Variants in OXCT1 observed in about 807,000 individuals in gnomAD.
OXCT1 encodes succinyl-CoA:3-ketoacid coenzyme A transferase 1, mitochondrial.
OXCT1 carries 27 observed loss-of-function variants against 69.6 expected under a neutral mutation model. The ratio of observed to expected loss-of-function variants is 0.39; its 90% CI spans 0.29 to 0.54. The LOEUF is 0.54. Among genes scored for constraint, OXCT1 ranks in the 20% least tolerant of loss-of-function variants. OXCT1 has a pLI of 0.72. For synonymous variants in OXCT1, 202 were observed against 217.8 expected (o/e 0.93, Z 0.64); for missense variants, 437 against 650.2 (o/e 0.67, Z 3.57).
At chr5:41,807,059 T>A (rs543697279) in intron 8 of OXCT1, among the ~76,000 whole-genome samples, 1 of 152,116 alleles carries the variant, frequency 6.6e-6, no homozygotes, top group African/African-American at 2.4e-5. Flanking sequence ...AAACTACAGA[T>A]CATAAATTAG....
At chr5:41,770,260 A>G (rs1449275852) in intron 13 of OXCT1, among the ~76,000 whole-genome samples, 1 of 152,248 alleles carries the variant, frequency 6.6e-6, no homozygotes, top group Non-Finnish European at 1.5e-5. Flanking sequence ...TTACCTACAG[A>G]GAAAATGATA....
chr5:41,853,378 A>T, intron 4 of OXCT1, 41 bp downstream of exon 4: 1 of 1,578,872 alleles, frequency 6.3e-7, no homozygotes. Context: ...AGGAATTTTT[A>T]AAGTAAGTTA....
intron 14 of OXCT1, among the ~76,000 whole-genome samples, chr5:41,759,229 T>C (rs1282150305): frequency 6.6e-6 from 1 of 152,038 alleles, no homozygotes; most frequent in Non-Finnish European, 1.5e-5. Context: ...TCCAGCTCTG[T>C]CACTTTCCTG....
chr5:41,830,784 A>C (rs1188723941), intron 7 of OXCT1, among the ~76,000 whole-genome samples: 1 of 152,134 alleles, frequency 6.6e-6, no homozygotes, highest in Non-Finnish European at 1.5e-5. Context: ...TGCTTTTAAA[A>C]CTGTATCATT....
At chr5:41,805,744 G>T in intron 8 of OXCT1, 63 bp from the exon 9 acceptor site, 1 of 1,076,190 alleles carries the variant, frequency 9.3e-7, no homozygotes, top group Non-Finnish European at 1.4e-6. Context: ...TATCACTGCT[G>T]AAATAAATTT....
chr5:41,800,641 G>A (rs945751985), intron 11 of OXCT1, among the ~76,000 whole-genome samples: 1 of 151,704 alleles, frequency 6.6e-6, no homozygotes, highest in Admixed American at 6.6e-5. Context: ...ACAGCAACCT[G>A]TCCCATAAAG....
At chr5:41,822,566 C>T (rs966663145) in intron 7 of OXCT1, among the ~76,000 whole-genome samples, 6 of 152,074 alleles carry the variant, frequency 3.9e-5, no homozygotes, top group Admixed American at 1.3e-4. Flanking sequence ...CTCCAACTCC[C>T]GGGTTCAAGC....
At chr5:41,743,354 G>T (rs1268732856) in intron 15 of OXCT1, among the ~76,000 whole-genome samples, 6 of 151,866 alleles carry the variant, frequency 4.0e-5, no homozygotes, top group African/African-American at 1.5e-4. Flanking sequence ...AATTTGTTTG[G>T]GTTCTTTGTA....
chr5:41,777,627 A>G (rs1204024992), intron 13 of OXCT1, among the ~76,000 whole-genome samples: 1 of 152,184 alleles, frequency 6.6e-6, no homozygotes, highest in Non-Finnish European at 1.5e-5. Flanking sequence ...GATGGTGTTA[A>G]TTAATTTTGT....
chr5:41,786,422 G>A (rs1264212287), intron 13 of OXCT1, among the ~76,000 whole-genome samples: 2 of 152,144 alleles, frequency 1.3e-5, no homozygotes, highest in East Asian at 3.9e-4. Flanking sequence ...TGGAAGAGGA[G>A]GGGAGTAGAG....
chr5:41,833,923 G>A (rs182927779), intron 7 of OXCT1, among the ~76,000 whole-genome samples: 85 of 151,676 alleles, frequency 5.6e-4, no homozygotes, highest in South Asian at 2.1e-4. Flanking sequence ...TTAGTTGGGC[G>A]TGGTGGTGCG....
At chr5:41,804,664 C>T (rs150987987) in intron 9 of OXCT1, among the ~76,000 whole-genome samples, 2 of 152,054 alleles carry the variant, frequency 1.3e-5, no homozygotes, top group African/African-American at 4.8e-5. Flanking sequence ...TGTGAGTTTG[C>T]ACCATAACAC....
chr5:41,763,839 C>CA (rs1281374631), intron 13 of OXCT1, among the ~76,000 whole-genome samples: 1 of 152,076 alleles, frequency 6.6e-6, no homozygotes, highest in Admixed American at 6.6e-5. Flanking sequence ...TCCCCTGTGA[C>CA]AAAATGGTTA....
At chr5:41,781,647 C>A (rs962331987) in intron 13 of OXCT1, among the ~76,000 whole-genome samples, 1 of 152,120 alleles carries the variant, frequency 6.6e-6, no homozygotes, top group South Asian at 2.1e-4. Context: ...GTTGTTCCCC[C>A]AGTGGTGTCC....
intron 15 of OXCT1, among the ~76,000 whole-genome samples, chr5:41,748,138 A>T (rs1743596091): frequency 1.3e-5 from 2 of 152,136 alleles, no homozygotes; most frequent in African/African-American, 4.8e-5. Flanking sequence ...TGCCAAAATG[A>T]ACAGTGGACC....
chr5:41,799,191 C>CAAA (rs10668563), intron 11 of OXCT1, among the ~76,000 whole-genome samples: 2,154 of 152,190 alleles, frequency 0.014, 94 homozygotes, highest in South Asian at 0.08. Context: ...AAAGAGATTT[C>CAAA]CATAAAATGC....
intron 13 of OXCT1, among the ~76,000 whole-genome samples, chr5:41,783,922 A>G (rs540495531): frequency 2.0e-4 from 31 of 152,192 alleles, no homozygotes; most frequent in Non-Finnish European, 3.1e-4. Context: ...TAGCAATCAA[A>G]AGGCAAAATC....
intron 13 of OXCT1, among the ~76,000 whole-genome samples, chr5:41,764,946 T>G (rs1370248414): frequency 2.0e-5 from 3 of 152,200 alleles, no homozygotes; most frequent in African/African-American, 7.2e-5. Context: ...AAATATCTGG[T>G]TTTTCTGCTT....
intron 13 of OXCT1, among the ~76,000 whole-genome samples, chr5:41,775,064 C>T (rs1231544425): frequency 2.6e-5 from 4 of 151,956 alleles, no homozygotes; most frequent in Non-Finnish European, 5.9e-5. Context: ...ATACATAATA[C>T]TTCTTCAACT....
Sources: allele counts gnomAD v4.1 joint callset (sites outside exome capture counted in the v4.1 genomes callset), GRCh38; gene constraint gnomAD v4.1.1; transcripts MANE v1.5; gene names NCBI Gene and HGNC (gene_info 2026-07-23, HGNC 2026-07-21).